The following ITGB5 variants were observed in gnomAD, a reference collection of about 807,000 sequenced individuals.
ITGB5 encodes the protein integrin beta-5.
ITGB5 carries 38 observed loss-of-function variants against 84.8 expected under a neutral mutation model. The observed-to-expected ratio is 0.45, with a 90% CI of 0.35 to 0.59. ITGB5 has a LOEUF of 0.59. Ranked by LOEUF, ITGB5 falls within the 20% of genes least tolerant of loss-of-function variation. ITGB5 has a pLI of 0.01. For missense variants in ITGB5, 905 were observed against 1,034.5 expected (o/e 0.87, Z 1.72); for synonymous variants, 393 against 414.4 (o/e 0.95, Z 0.63).
At chr3:124,777,622 T>C (rs1480846259) in intron 10 of ITGB5, among the ~76,000 whole-genome samples, 1 of 152,188 alleles carries the variant, frequency 6.6e-6, no homozygotes, top group African/African-American at 2.4e-5. Flanking sequence ...TGTCTCCTCA[T>C]AGGAGTCTTC....
At chr3:124,794,909 G>A (rs1465049532) in intron 10 of ITGB5, among the ~76,000 whole-genome samples, 1 of 152,140 alleles carries the variant, frequency 6.6e-6, no homozygotes, top group East Asian at 1.9e-4. Flanking sequence ...GTGCATCCAT[G>A]TAAGCAGAAT....
intron 9 of ITGB5, among the ~76,000 whole-genome samples, chr3:124,805,285 G>A (rs2064382714): frequency 6.6e-6 from 1 of 151,850 alleles, no homozygotes; most frequent in Middle Eastern, 3.2e-3. Flanking sequence ...TGGGACCACA[G>A]GTGCTCTCCA....
intron 10 of ITGB5, among the ~76,000 whole-genome samples, chr3:124,786,112 C>T (rs2064078765): frequency 6.6e-6 from 1 of 152,130 alleles, no homozygotes; most frequent in South Asian, 2.1e-4. Flanking sequence ...GTGTGACAGG[C>T]TCTGCTAGGA....
chr3:124,816,390 C>T (rs919848699), intron 8 of ITGB5, among the ~76,000 whole-genome samples: 1 of 152,188 alleles, frequency 6.6e-6, no homozygotes, highest in African/African-American at 2.4e-5. Context: ...TGTGTGATGC[C>T]GTACTGATTC....
intron 1 of ITGB5, among the ~76,000 whole-genome samples, 197 bp downstream of exon 1, chr3:124,886,734 G>C (rs1165060191): frequency 2.0e-5 from 3 of 151,810 alleles, no homozygotes; most frequent in Non-Finnish European, 4.4e-5. Context: ...GGGAACAGGA[G>C]ACTCACGACA....
chr3:124,769,250 T>A, intron 11 of ITGB5, 137 bp from the exon 12 acceptor site: 1 of 654,604 alleles, frequency 1.5e-6, no homozygotes, highest in Non-Finnish European at 2.6e-6. Context: ...TCAGGGAATG[T>A]TTCTGCTCTG....
Position 124,800,727 on chromosome 3 carries a change from C to T in ITGB5, c.1264-3910G>A, listed in dbSNP as rs189227914. 7.2e-5 allele frequency among the ~76,000 whole-genome samples: 11 copies of T among 152,134 alleles called. No individual in the cohort carries two copies. In the East Asian group the frequency reaches 1.3e-3, roughly 19 times the overall value. ...AGCAAGGAAATCTGTTTGCTTACCC[C>T]TCCTTTCAGAGGGTCCATTTTCCCT... is the stretch of plus-strand genomic sequence containing the variant. On this transcript the variant is annotated intron_variant, in intron 9 of 14. Coordinates refer to ENST00000296181, the MANE Select transcript of ITGB5 (RefSeq NM_002213.5).
chr3:124,885,162 T>G (rs1168982813), intron 1 of ITGB5, among the ~76,000 whole-genome samples: 1 of 151,892 alleles, frequency 6.6e-6, no homozygotes, highest in African/African-American at 2.4e-5. Flanking sequence ...CATTGCTACT[T>G]GGGAGGCTAA....
At chr3:124,833,635 T>A (rs1283486451) in intron 5 of ITGB5, among the ~76,000 whole-genome samples, 2 of 152,202 alleles carry the variant, frequency 1.3e-5, no homozygotes, top group Non-Finnish European at 2.9e-5. Context: ...GGCAGCCTGG[T>A]GGATGGGAGG....
intron 1 of ITGB5, among the ~76,000 whole-genome samples, chr3:124,885,973 T>G (rs1176685378): frequency 6.6e-6 from 1 of 152,212 alleles, no homozygotes; most frequent in Non-Finnish European, 1.5e-5. Flanking sequence ...GGCTTGAAAG[T>G]TAATAGAGCA....
intron 10 of ITGB5, among the ~76,000 whole-genome samples, chr3:124,777,127 T>C (rs1253857107): frequency 6.6e-6 from 1 of 151,354 alleles, no homozygotes; most frequent in Non-Finnish European, 1.5e-5. Flanking sequence ...AGAAGAGGAG[T>C]CAGGAGTCAA....
chr3:124,799,836 G>C (rs1241498785), intron 9 of ITGB5, among the ~76,000 whole-genome samples: 1 of 152,168 alleles, frequency 6.6e-6, no homozygotes, highest in Non-Finnish European at 1.5e-5. Context: ...CCTCATCGGG[G>C]TGCGCAGGGA....
At chr3:124,840,436 T>TC (rs2064994764) in intron 5 of ITGB5, among the ~76,000 whole-genome samples, 1 of 151,848 alleles carries the variant, frequency 6.6e-6, no homozygotes, top group South Asian at 2.1e-4. Flanking sequence ...TAAGAGTGTT[T>TC]TTTTTTTGTT....
upstream of ITGB5, among the ~76,000 whole-genome samples, chr3:124,890,784 G>A (rs1288042588): frequency 6.6e-6 from 1 of 152,110 alleles, no homozygotes; most frequent in Non-Finnish European, 1.5e-5. Flanking sequence ...GAGTGATCCA[G>A]GCTCCAATAT....
At chr3:124,778,551 C>G (rs1292111365) in intron 10 of ITGB5, among the ~76,000 whole-genome samples, 1 of 152,150 alleles carries the variant, frequency 6.6e-6, no homozygotes, top group Non-Finnish European at 1.5e-5. Flanking sequence ...CAGGCTGCAC[C>G]ACAAAGCAGT....
chr3:124,802,490 C>T (rs1352222257), intron 9 of ITGB5, among the ~76,000 whole-genome samples: 1 of 152,204 alleles, frequency 6.6e-6, no homozygotes, highest in Non-Finnish European at 1.5e-5. Context: ...CTGACAGACC[C>T]CTCTCCTTCA....
chr3:124,815,376 G>C (rs2064572331), intron 8 of ITGB5, among the ~76,000 whole-genome samples: 1 of 152,230 alleles, frequency 6.6e-6, no homozygotes, highest in Admixed American at 6.5e-5. Flanking sequence ...CTGAATTCAG[G>C]AGGTGGCTGA....
intron 3 of ITGB5, among the ~76,000 whole-genome samples, chr3:124,858,582 A>C (rs1304306769): frequency 6.6e-6 from 1 of 152,250 alleles, no homozygotes; most frequent in Non-Finnish European, 1.5e-5. Context: ...GTGCTGACAC[A>C]TGCCAAAATA....
intron 1 of ITGB5, among the ~76,000 whole-genome samples, chr3:124,886,580 T>G (rs1934819326): frequency 6.6e-6 from 1 of 150,970 alleles, no homozygotes. Context: ...AAGGACCGCT[T>G]TGTGCCCGCC....
Sources: gnomAD v4.1 joint callset for allele counts (sites outside exome capture counted in the v4.1 genomes callset) on GRCh38, gnomAD v4.1.1 for gene constraint, MANE v1.5 for transcripts, NCBI Gene and HGNC (gene_info 2026-07-23, HGNC 2026-07-21) for gene names.